DGKI: variants seen among roughly 807,000 people sequenced by gnomAD.
The protein encoded by DGKI is diacylglycerol kinase iota.
In DGKI, 55 loss-of-function variants were observed where a neutral mutation model predicts 147.5. The observed-to-expected ratio is 0.37, with a 90% CI of 0.30 to 0.47. The LOEUF (loss-of-function observed/expected upper bound fraction) is 0.47, where lower values mean the gene tolerates loss of function less well. Among genes scored for constraint, DGKI ranks in the 20% least tolerant of loss-of-function variants. The pLI is 1.00. For synonymous variants in DGKI, 469 were observed against 477.1 expected (o/e 0.98, Z 0.22); for missense variants, 1,007 against 1,323.8 (o/e 0.76, Z 3.71).
At chr7:137,610,052 T>A (rs961476920) in intron 8 of DGKI, among the ~76,000 whole-genome samples, 7 of 152,004 alleles carry the variant, frequency 4.6e-5, no homozygotes, top group African/African-American at 1.7e-4. Context: ...TTATTTTTCT[T>A]TTTTGTTTTT....
At chr7:137,687,427 A>G (rs748189798) in intron 2 of DGKI, among the ~76,000 whole-genome samples, 5 of 152,216 alleles carry the variant, frequency 3.3e-5, no homozygotes, top group African/African-American at 4.8e-5. Flanking sequence ...GGAATCAAAC[A>G]AGAGAGTGGA....
At chr7:137,401,870 A>C (rs1237134506) in intron 30 of DGKI, among the ~76,000 whole-genome samples, 1 of 152,232 alleles carries the variant, frequency 6.6e-6, no homozygotes, top group Non-Finnish European at 1.5e-5. Context: ...CTGCTCTTCC[A>C]GAACCCTAGA....
chr7:137,662,400 C>G (rs535242153), intron 3 of DGKI, among the ~76,000 whole-genome samples: 1 of 152,050 alleles, frequency 6.6e-6, no homozygotes, highest in East Asian at 1.9e-4. Context: ...CCCGCCACCA[C>G]GCCCGGCTAA....
intron 1 of DGKI, among the ~76,000 whole-genome samples, chr7:137,838,153 C>T (rs755690415): frequency 1.4e-4 from 22 of 151,924 alleles, no homozygotes; most frequent in Non-Finnish European, 2.8e-4. Context: ...CAAGTGTGCA[C>T]CACCACACCC....
chr7:137,777,120 A>T (rs977297625), intron 1 of DGKI, among the ~76,000 whole-genome samples: 2 of 152,264 alleles, frequency 1.3e-5, no homozygotes, highest in African/African-American at 2.4e-5. Context: ...TAAGCCCAGG[A>T]GTTTGAGGCT....
intron 6 of DGKI, among the ~76,000 whole-genome samples, chr7:137,638,727 C>T (rs1026673890): frequency 1.3e-5 from 2 of 148,262 alleles, no homozygotes; most frequent in Admixed American, 1.4e-4. Context: ...CATATATACA[C>T]ATTACATATG....
At chr7:137,545,402 C>T (rs1197215427) in intron 20 of DGKI, among the ~76,000 whole-genome samples, 1 of 152,082 alleles carries the variant, frequency 6.6e-6, no homozygotes, top group Non-Finnish European at 1.5e-5. Flanking sequence ...CCTAAATATA[C>T]ATAAAAATGC....
intron 14 of DGKI, among the ~76,000 whole-genome samples, chr7:137,584,725 A>C (rs1819325513): frequency 6.6e-6 from 1 of 152,194 alleles, no homozygotes; most frequent in African/African-American, 2.4e-5. Context: ...AATAACATGA[A>C]GTCAAAACAT....
At chr7:137,656,615 G>A in intron 3 of DGKI, 75 bp from the exon 4 acceptor site, 3 of 1,335,076 alleles carry the variant, frequency 2.2e-6, no homozygotes, top group Non-Finnish European at 2.1e-6. Context: ...TATTAAAGTG[G>A]GCATATATAA....
At position 137,846,169 on chromosome 7, in the gene DGKI, A is replaced by G. The variant is rs796227842; in HGVS notation, c.401+293T>C. 1.3e-5 allele frequency among the ~76,000 whole-genome samples: 1 copy of G among 77,002 alleles called. No homozygotes were observed. Among genetic ancestry groups the G allele is most frequent in the Non-Finnish European group, 2.8e-5 (1 of 35,766 alleles). 50.5% of individuals were successfully genotyped at this position (77,002 alleles called of 152,430 possible). A position where few individuals can be genotyped will look rare whatever the true frequency, so the allele number is the denominator to read the frequency against. ...CTCTCTCTCTCTCTCTCTCACACAC[A>G]CACACACACACACACACACACACAC... On this transcript the variant is annotated intron_variant, in intron 1 of 32. Transcript: ENST00000614521. This position sits in a 1 kb window ranked among gnomAD's most constrained non-coding sequence, Gnocchi z 4.0.
intron 24 of DGKI, among the ~76,000 whole-genome samples, chr7:137,468,807 T>A (rs1814761340): frequency 6.6e-6 from 1 of 152,130 alleles, no homozygotes; most frequent in East Asian, 1.9e-4. Context: ...ATATTCACAT[T>A]TATATCCTCT....
intron 20 of DGKI, among the ~76,000 whole-genome samples, chr7:137,550,945 T>C (rs556485425): frequency 4.1e-4 from 63 of 152,286 alleles, no homozygotes; most frequent in Middle Eastern, 6.8e-3. Flanking sequence ...GGATGAACCA[T>C]ATACAACCAC....
At chr7:137,482,169 G>A (rs1185724528) in intron 23 of DGKI, among the ~76,000 whole-genome samples, 1 of 151,878 alleles carries the variant, frequency 6.6e-6, no homozygotes, top group Admixed American at 6.6e-5. Context: ...AAAAAATACG[G>A]AAATCAATCC....
intron 1 of DGKI, among the ~76,000 whole-genome samples, chr7:137,697,006 T>C (rs192542818): frequency 1.7e-4 from 26 of 152,232 alleles, no homozygotes; most frequent in South Asian, 4.2e-4. Flanking sequence ...ACACTGAAGA[T>C]TGCCAGCAAC....
chr7:137,543,953 GTTTA>G (rs1304108795), intron 20 of DGKI, among the ~76,000 whole-genome samples: 1 of 152,008 alleles, frequency 6.6e-6, no homozygotes, highest in East Asian at 1.9e-4. Flanking sequence ...CTGATTTAAT[GTTTA>G]TTATGTAAAT....
chr7:137,454,741 A>G (rs995235939), intron 27 of DGKI: 2 of 152,182 alleles, frequency 1.3e-5, no homozygotes, highest in Non-Finnish European at 2.9e-5. Context: ...AAATCCAGAC[A>G]ACGGAGACAT....
At chr7:137,433,545 T>C (rs1311505564) in intron 28 of DGKI, among the ~76,000 whole-genome samples, 1 of 152,236 alleles carries the variant, frequency 6.6e-6, no homozygotes, top group Admixed American at 6.5e-5. Context: ...TAACTTTCAG[T>C]GTACCAACCC....
intron 28 of DGKI, among the ~76,000 whole-genome samples, chr7:137,422,851 G>T (rs149520363): frequency 2.6e-5 from 4 of 151,932 alleles, no homozygotes; most frequent in African/African-American, 9.7e-5. Context: ...TGATCCACCC[G>T]CCTCAGCCTC....
intron 11 of DGKI, among the ~76,000 whole-genome samples, 173 bp downstream of exon 11, chr7:137,599,650 C>A (rs1819917655): frequency 6.6e-6 from 1 of 152,000 alleles, no homozygotes; most frequent in African/African-American, 2.4e-5. Flanking sequence ...GGGAACTAAG[C>A]CAATAAAGAG....
Sources: gnomAD v4.1 joint callset for allele counts (sites outside exome capture counted in the v4.1 genomes callset) on GRCh38, gnomAD v4.1.1 for gene constraint, Gnocchi (gnomAD v3.1) non-coding constraint, MANE v1.5 for transcripts, NCBI Gene and HGNC (gene_info 2026-07-23, HGNC 2026-07-21) for gene names.